PMM2: variants seen among roughly 807,000 people sequenced by gnomAD.
The protein encoded by PMM2 is phosphomannomutase 2, also known as mannose-6-phosphate isomerase.
PMM2 carries 35 observed loss-of-function variants against 33.2 expected under a neutral mutation model. The ratio of observed to expected loss-of-function variants is 1.06; its 90% confidence interval spans 0.81 to 1.40. The LOEUF (loss-of-function observed/expected upper bound fraction) is 1.40. Among genes scored for constraint, PMM2 ranks in the 40% most tolerant of loss-of-function variants. PMM2 has a pLI of 0.00. For synonymous variants in PMM2, 153 were observed against 114.7 expected (o/e 1.33, Z -2.13); for missense variants, 386 against 306.0 (o/e 1.26, Z -1.95).
At chr16:8,807,243 C>A (rs1479876735) in intron 4 of PMM2, among the ~76,000 whole-genome samples, 2 of 151,136 alleles carry the variant, frequency 1.3e-5, no homozygotes, top group African/African-American at 4.9e-5. Context: ...CCAACCTCAA[C>A]TGATCCACCC....
intron 7 of PMM2, among the ~76,000 whole-genome samples, chr16:8,836,395 C>T (rs1434546290): frequency 6.6e-6 from 1 of 151,930 alleles, no homozygotes; most frequent in African/African-American, 2.4e-5. Context: ...CATGGGGTCC[C>T]GCACAGATGG....
At chr16:8,802,266 C>G (rs775243311) in intron 2 of PMM2, 4 of 453,048 alleles carry the variant, frequency 8.8e-6, no homozygotes, top group Admixed American at 4.7e-5. Flanking sequence ...GACAGCCCCC[C>G]TCACCTCCCC....
At chr16:8,836,608 A>G (rs1196769016) in intron 7 of PMM2, among the ~76,000 whole-genome samples, 1 of 151,908 alleles carries the variant, frequency 6.6e-6, no homozygotes, top group Non-Finnish European at 1.5e-5. Context: ...ACTTTTTTCT[A>G]TTACTGTCCA....
intron 2 of PMM2, 109 bp downstream of exon 2, chr16:8,802,019 T>G: frequency 1.3e-6 from 1 of 750,746 alleles, no homozygotes; most frequent in Admixed American, 2.0e-5. Flanking sequence ...ATGGCGGGCT[T>G]TCTGCTTCCT....
At chr16:8,837,929 A>G (rs533060463) in intron 7 of PMM2, among the ~76,000 whole-genome samples, 1 of 152,242 alleles carries the variant, frequency 6.6e-6, no homozygotes, top group Non-Finnish European at 1.5e-5. Flanking sequence ...TGTCTCTACC[A>G]GAAAATGAAA....
intron 4 of PMM2, chr16:8,810,697 C>T (rs910174391): frequency 2.1e-5 from 7 of 333,418 alleles, no homozygotes; most frequent in African/African-American, 1.3e-4. Context: ...CTGCCTCAAC[C>T]TCCTGAGTAG....
At chr16:8,838,685 A>G (rs538403276) in intron 7 of PMM2, among the ~76,000 whole-genome samples, 1 of 152,180 alleles carries the variant, frequency 6.6e-6, no homozygotes, top group East Asian at 1.9e-4. Flanking sequence ...TAAACAGAAG[A>G]TCCAAGGTCC....
chr16:8,832,410 G>A lies in PMM2; in HGVS notation c.640-15314G>A, dbSNP rs370083394. The A allele has an allele frequency of 1.3e-5, 13 of 985,396 alleles. No individual in the cohort carries two copies. The South Asian group carries it at 6.1e-4, about 46-fold the overall frequency. 61.0% of individuals were successfully genotyped at this position (985,396 alleles called of 1,614,324 possible). A position where few individuals can be genotyped will look rare whatever the true frequency, so the allele number is the denominator to read the frequency against. ...ACCTAGCTTTATTAAGTGTCAGCGAGTTACATGCACACAGATCACTCAGAT... is the reference window on the plus strand; with the variant it reads ...ACCTAGCTTTATTAAGTGTCAGCGAATTACATGCACACAGATCACTCAGAT... On this transcript the variant is annotated intron_variant, in intron 7 of 7. Coordinates refer to ENST00000268261, the MANE Select transcript of PMM2 (RefSeq NM_000303.3).
At chr16:8,827,826 T>TA (rs1567164758) in intron 7 of PMM2, among the ~76,000 whole-genome samples, 2 of 101,294 alleles carry the variant, frequency 2.0e-5, no homozygotes, top group African/African-American at 7.1e-5. Context: ...ATAATATATA[T>TA]TATATATATT....
At chr16:8,827,169 A>T (rs1321434996) in intron 7 of PMM2, among the ~76,000 whole-genome samples, 2 of 152,082 alleles carry the variant, frequency 1.3e-5, no homozygotes, top group African/African-American at 4.8e-5. Context: ...AGTTTCTCCC[A>T]AAACAGGGTC....
intron 7 of PMM2, among the ~76,000 whole-genome samples, chr16:8,842,750 G>T (rs1273173104): frequency 1.3e-5 from 2 of 152,202 alleles, no homozygotes; most frequent in African/African-American, 2.4e-5. Context: ...ATTATAAGAA[G>T]AGTTTATAGG....
intron 7 of PMM2, among the ~76,000 whole-genome samples, chr16:8,828,475 G>A (rs2060791297): frequency 1.3e-5 from 2 of 152,088 alleles, no homozygotes; most frequent in African/African-American, 2.4e-5. Context: ...GTCTTCCTGG[G>A]AATCCAGGAC....
intron 7 of PMM2, among the ~76,000 whole-genome samples, chr16:8,847,131 T>C (rs2060931149): frequency 6.6e-6 from 1 of 152,288 alleles, no homozygotes; most frequent in Non-Finnish European, 1.5e-5. Flanking sequence ...CCCAAAGTGC[T>C]GGGATTACAG....
In PMM2 at chr16:8,813,083, T is replaced by C. The variant is rs2141024302; in HGVS notation, c.616T>C (p.Phe206Leu). The C allele has an allele frequency of 1.2e-6, 2 of 1,605,976 alleles. No homozygotes were observed. Among genetic ancestry groups the C allele is most frequent in the East Asian group, 4.5e-5 (2 of 44,836 alleles). Residue 206 changes from phenylalanine to leucine, a missense_variant, in exon 7 of 8, where the codon TTC (phenylalanine) becomes CTC (leucine). By Grantham distance (22) the Phe-to-Leu change is conservative. Transcript: ENST00000268261. ...VENDGYKTIY[F>L]FGDKTMPGGN... ...AAATGACGGTTATAAGACCATTTAT[T>C]TCTTTGGAGACAAAACTATGCCAGT...
chr16:8,831,434 G>A (rs959196487), intron 7 of PMM2, among the ~76,000 whole-genome samples: 1 of 152,222 alleles, frequency 6.6e-6, no homozygotes, highest in Non-Finnish European at 1.5e-5. Context: ...CTACTCAGGA[G>A]GCTGAGGTGG....
At chr16:8,841,343 C>T (rs2060889574) in intron 7 of PMM2, among the ~76,000 whole-genome samples, 1 of 150,910 alleles carries the variant, frequency 6.6e-6, no homozygotes, top group Non-Finnish European at 1.5e-5. Flanking sequence ...CTTCTCAGAC[C>T]CTGTAGGAAA....
chr16:8,836,531 G>A (rs7203331), intron 7 of PMM2, among the ~76,000 whole-genome samples: 140,926 of 151,958 alleles, frequency 0.93, 65,626 homozygotes, highest in East Asian at 0.97. Flanking sequence ...CGGTTCAGGC[G>A]TTTGGAAGTT....
At chr16:8,842,823 G>A (rs2060898674) in intron 7 of PMM2, among the ~76,000 whole-genome samples, 1 of 152,208 alleles carries the variant, frequency 6.6e-6, no homozygotes, top group Non-Finnish European at 1.5e-5. Context: ...AAAGCGTGCT[G>A]TGGGATGGGA....
rs551075916 is a variant in PMM2 at position 8,845,388 on chromosome 16, A to T, written c.640-2336A>T. Among the ~76,000 whole-genome samples the T allele has an allele frequency of 5.3e-5, 8 of 152,252 alleles. No individual in the cohort carries two copies. In the South Asian group the frequency reaches 1.7e-3, roughly 32 times the overall value. ...TCTTTTGTGGATCTTTAGTTACTTC[A>T]GGCCATCTGGATGTACACGTGTAAG... is the stretch of plus-strand genomic sequence containing the variant. On this transcript the variant is annotated intron_variant, in intron 7 of 7. Coordinates refer to ENST00000268261, the MANE Select transcript of PMM2 (RefSeq NM_000303.3).
Sources: gnomAD v4.1 joint callset for allele counts (sites outside exome capture counted in the v4.1 genomes callset) on GRCh38, gnomAD v4.1.1 for gene constraint, MANE v1.5 for transcripts, NCBI Gene and HGNC (gene_info 2026-07-23, HGNC 2026-07-21) for gene names.